Variants in MAPKAP1 observed in about 807,000 individuals in gnomAD.
MAPKAP1 encodes the protein MAPK associated protein 1, also known as target of rapamycin complex 2 subunit MAPKAP1.
A neutral mutation model predicts 65.7 loss-of-function variants in MAPKAP1; 20 were observed. The ratio of observed to expected loss-of-function variants is 0.30; its 90% CI spans 0.21 to 0.44. The LOEUF is 0.44. Ranked by LOEUF, MAPKAP1 falls within the 20% of genes least tolerant of loss-of-function variation. The pLI is 1.00. For missense variants in MAPKAP1, 423 were observed against 648.0 expected, an observed-to-expected ratio of 0.65 and a Z score of 3.77; for synonymous variants, 222 against 244.3, an observed-to-expected ratio of 0.91 and a Z score of 0.85.
chr9:125,666,534 G>A (rs1250737), intron 3 of MAPKAP1, among the ~76,000 whole-genome samples: 74,974 of 152,036 alleles, frequency 0.49, 19,323 homozygotes, highest in East Asian at 0.67. Flanking sequence ...TGGGTATGGT[G>A]TCATGTGCCT....
chr9:125,644,035 A>G (rs1479637367), intron 4 of MAPKAP1, among the ~76,000 whole-genome samples: 1 of 152,238 alleles, frequency 6.6e-6, no homozygotes, highest in African/African-American at 2.4e-5. Flanking sequence ...CCTTAACTCA[A>G]TTAGAGCTCC....
chr9:125,623,052 C>T (rs1340430476), intron 4 of MAPKAP1, among the ~76,000 whole-genome samples: 1 of 151,468 alleles, frequency 6.6e-6, no homozygotes, highest in African/African-American at 2.4e-5. Context: ...CCAACCTCGG[C>T]CTCCCGAGGT....
intron 6 of MAPKAP1, among the ~76,000 whole-genome samples, chr9:125,543,582 A>G (rs1198788993): frequency 6.6e-6 from 1 of 152,028 alleles, no homozygotes; most frequent in Non-Finnish European, 1.5e-5. Context: ...GGCCGTGTTT[A>G]AGCAAGTTTT....
At chr9:125,596,096 GAAAAGGGGAC>G in intron 4 of MAPKAP1, 1 of 936,288 alleles carries the variant, frequency 1.1e-6, no homozygotes, top group Non-Finnish European at 1.7e-6. Context: ...GCAGTGGCAA[GAAAAGGGGAC>G]TTGCCTTTGT....
intron 8 of MAPKAP1, among the ~76,000 whole-genome samples, chr9:125,488,397 C>T (rs990610912): frequency 2.0e-5 from 3 of 152,128 alleles, no homozygotes; most frequent in Non-Finnish European, 4.4e-5. Context: ...CAGAGTTTTG[C>T]TCTTGTTGCC....
At chr9:125,566,154 C>T (rs1242510405) in intron 5 of MAPKAP1, among the ~76,000 whole-genome samples, 1 of 152,214 alleles carries the variant, frequency 6.6e-6, no homozygotes, top group African/African-American at 2.4e-5. Context: ...TGTTCTCTCA[C>T]CCATTCCACA....
chr9:125,450,417 AG>A (rs768548563), intron 10 of MAPKAP1, among the ~76,000 whole-genome samples: 6 of 152,214 alleles, frequency 3.9e-5, no homozygotes, highest in Non-Finnish European at 7.3e-5. Flanking sequence ...AGTTGTAATC[AG>A]ATTGTATACT....
chr9:125,530,322 G>A lies in MAPKAP1; in HGVS notation c.958+12737C>T, dbSNP rs147681143. On this transcript the variant is annotated intron_variant, in intron 7 of 11. Transcript: ENST00000265960. ...GGCTGGAGAGATGTAATGGGCACAT[G>A]CAACACTCTAATCCTGTCTGTAATT... is the stretch of plus-strand genomic sequence containing the variant. Among the ~76,000 whole-genome samples the A allele has an allele frequency of 3.3e-3, 503 of 152,298 alleles. 1 individual carries two copies. Among genetic ancestry groups the A allele is most frequent in the African/African-American group, 0.012 (492 of 41,552 alleles).
chr9:125,566,500 G>C (rs550951139), intron 5 of MAPKAP1, among the ~76,000 whole-genome samples: 1 of 152,212 alleles, frequency 6.6e-6, no homozygotes, highest in South Asian at 2.1e-4. Context: ...GGAGGATGAG[G>C]CTGCCGTGAG....
intron 4 of MAPKAP1, among the ~76,000 whole-genome samples, chr9:125,612,534 C>T (rs1219119401): frequency 1.3e-5 from 2 of 152,264 alleles, no homozygotes; most frequent in South Asian, 2.1e-4. Flanking sequence ...AGTTCCTAAA[C>T]GCACTGTCTA....
intron 7 of MAPKAP1, chr9:125,512,851 AG>A (rs1340328243): frequency 2.0e-5 from 3 of 151,966 alleles, no homozygotes; most frequent in African/African-American, 7.3e-5. Context: ...CCAAAGTGCT[AG>A]GATTACAGGC....
chr9:125,445,215 A>G (rs941186752), intron 10 of MAPKAP1, among the ~76,000 whole-genome samples: 2 of 152,204 alleles, frequency 1.3e-5, no homozygotes, highest in Non-Finnish European at 2.9e-5. Context: ...TTCTGAATAT[A>G]AATCTGATCT....
intron 8 of MAPKAP1, among the ~76,000 whole-genome samples, chr9:125,487,283 G>C (rs1421947462): frequency 6.6e-6 from 1 of 152,042 alleles, no homozygotes. Context: ...TCTCTCCTGG[G>C]TAATACTGAG....
chr9:125,663,321 T>C (rs1294584611), intron 3 of MAPKAP1, among the ~76,000 whole-genome samples: 1 of 152,208 alleles, frequency 6.6e-6, no homozygotes, highest in Non-Finnish European at 1.5e-5. Flanking sequence ...TGCTATTTCC[T>C]CCTCTTAGAA....
At position 125,693,614 on chromosome 9, in the gene MAPKAP1, T is replaced by C. The variant is rs1347176165; in HGVS notation, c.-70+13357A>G. Among the ~76,000 whole-genome samples, 11 of 147,794 alleles carry C rather than the reference T, an allele frequency of 7.4e-5. 1 individual carries two copies. The highest frequency in any genetic ancestry group is 1.5e-4 in the African/African-American group (6 of 39,552). On this transcript the variant is annotated intron_variant, in intron 1 of 11. Coordinates refer to ENST00000265960, the MANE Select transcript of MAPKAP1 (RefSeq NM_001006617.3). ...GTATACACACACACATACACATATA[T>C]ACACACATATATACACATATACACA... is the stretch of plus-strand genomic sequence containing the variant.
Position 125,620,263 on chromosome 9 carries a change from G to A in MAPKAP1, c.499-34536C>T, listed in dbSNP as rs139014825. Among the ~76,000 whole-genome samples the A allele has an allele frequency of 6.7e-3, 1,017 of 152,152 alleles. 13 individuals are homozygous for A. Among genetic ancestry groups the A allele is most frequent in the African/African-American group, 0.023 (940 of 41,510 alleles). ...GGTGGAGGTTAAGTGAGCTGAGATC[G>A]CACCACTGCACTCCAGCCTGGATGA... On this transcript the variant is annotated intron_variant, in intron 4 of 11. Coordinates refer to ENST00000265960, the MANE Select transcript of MAPKAP1 (RefSeq NM_001006617.3).
At position 125,559,701 on chromosome 9, in the gene MAPKAP1, A is replaced by G. The variant is rs1830836679; in HGVS notation, c.780T>C (p.Ser260=). 1.9e-6 allele frequency: 3 copies of G among 1,614,018 alleles called. No homozygotes were observed. The highest frequency in any genetic ancestry group is 2.5e-6 in the Non-Finnish European group (3 of 1,179,910). Residue 260 remains serine, a synonymous_variant, in exon 6 of 12, where the codon AGT becomes AGC. Transcript: ENST00000265960. ...AGTACTTTTCAACCAGGGCCAAAGTACTGAAGCCAAACTTATGAATGGGCT... is the reference window on the plus strand; with the variant it reads ...AGTACTTTTCAACCAGGGCCAAAGTGCTGAAGCCAAACTTATGAATGGGCT... ...SNEPIHKFGF[S]TLALVEKYSS...
intron 1 of MAPKAP1, among the ~76,000 whole-genome samples, chr9:125,704,498 G>T (rs1251386047): frequency 6.6e-6 from 1 of 152,130 alleles, no homozygotes; most frequent in South Asian, 2.1e-4. Flanking sequence ...TCCTCTACTA[G>T]AATGTCAATA....
In MAPKAP1 at chr9:125,498,684, G is replaced by C. The variant is rs573909628; in HGVS notation, c.1066+7626C>G. On this transcript the variant is annotated intron_variant, in intron 8 of 11. Coordinates refer to ENST00000265960, the MANE Select transcript of MAPKAP1 (RefSeq NM_001006617.3). ...CTGAAAGGCTTCTATCCACCCTTAT[G>C]GCAAACAGACTTCTCAAACAAATGG... Among the ~76,000 whole-genome samples, 8 of 152,252 alleles carry C rather than the reference G, an allele frequency of 5.3e-5. No individual in the cohort carries two copies. In the East Asian group the frequency reaches 1.3e-3, roughly 26 times the overall value.
Sources: allele counts gnomAD v4.1 joint callset (sites outside exome capture counted in the v4.1 genomes callset), GRCh38; gene constraint gnomAD v4.1.1; transcripts MANE v1.5; gene names NCBI Gene and HGNC (gene_info 2026-07-23, HGNC 2026-07-21).